PDZD9: variants seen among roughly 807,000 people sequenced by gnomAD.
The protein encoded by PDZD9 is PDZ domain-containing protein 9.
A neutral mutation model predicts 16.3 loss-of-function variants in PDZD9; 13 were observed. The ratio of observed to expected loss-of-function variants is 0.80; its 90% CI spans 0.52 to 1.27. PDZD9 has a LOEUF of 1.27. PDZD9 is among the 50% of genes most tolerant of loss of function. The pLI, the probability that PDZD9 is intolerant of heterozygous loss-of-function variation, is 0.00. For synonymous variants in PDZD9, 120 were observed against 111.0 expected (o/e 1.08, Z -0.51); for missense variants, 288 against 310.9 (o/e 0.93, Z 0.55).
the PDZD9 span, among the ~76,000 whole-genome samples, chr16:21,960,471 CTG>C: frequency 1.3e-5 from 2 of 152,154 alleles, no homozygotes; most frequent in African/African-American, 2.4e-5. Flanking sequence ...CAGTAAAACT[CTG>C]TATTATCAGC....
the PDZD9 span, among the ~76,000 whole-genome samples, chr16:21,965,095 G>A: frequency 2.0e-5 from 3 of 152,246 alleles, no homozygotes; most frequent in Admixed American, 2.0e-4. Context: ...ATAACTAGAT[G>A]GGGACTTCCC....
chr16:21,986,848 A>G (rs975079482), intron 3 of PDZD9, among the ~76,000 whole-genome samples: 5 of 152,182 alleles, frequency 3.3e-5, no homozygotes, highest in Non-Finnish European at 5.9e-5. Flanking sequence ...GGAGCCTTCA[A>G]GGGTGACTAC....
chr16:21,995,042 G>A (rs550668368), intron 2 of PDZD9, among the ~76,000 whole-genome samples: 1 of 152,088 alleles, frequency 6.6e-6, no homozygotes, highest in East Asian at 1.9e-4. Flanking sequence ...TTGTGTCCCC[G>A]CCCACATCTC....
rs118167877 is a variant in PDZD9, at chr16:21,995,457, T to C, written c.211+865A>G. The stretch of plus-strand genomic sequence containing the variant: ...TTGAATTCCTGGCATCAACGGATCC[T>C]CCCACCTTGGCTTCCCAAAGTGCTG... On this transcript the variant is annotated intron_variant, in intron 2 of 3. Transcript: ENST00000424898. 1.3e-3 allele frequency: 421 copies of C among 317,612 alleles called. 10 individuals carry two copies. In the East Asian group the frequency reaches 0.036, roughly 27 times the overall value. The allele number at this position is 317,612 out of a possible 1,614,324, so 19.7% of individuals were successfully genotyped here.
chr16:21,980,650 T>C (rs1164035037), downstream of PDZD9: 11 of 1,614,176 alleles, frequency 6.8e-6, no homozygotes, highest in Non-Finnish European at 9.3e-6. Flanking sequence ...CATGCCACCA[T>C]CCACAGTCCT....
chr16:21,984,715 G>T, intron 3 of PDZD9, 55 bp from the exon 4 acceptor site: 1 of 1,379,794 alleles, frequency 7.2e-7, no homozygotes, highest in South Asian at 1.9e-5. Context: ...AACATTTATG[G>T]TCCCCTAACA....
At chr16:21,958,245 A>T in the PDZD9 span, among the ~76,000 whole-genome samples, 1 of 152,186 alleles carries the variant, frequency 6.6e-6, no homozygotes. Context: ...AGTGCCGCAA[A>T]TTGAAAGAAA....
At chr16:21,983,441 A>G, downstream of PDZD9, 1 of 439,792 alleles carries the variant, frequency 2.3e-6, no homozygotes, top group East Asian at 3.4e-5. Context: ...AGACAGGAAT[A>G]TAATTATTGA....
chr16:21,998,028 C>T lies in PDZD9; in HGVS notation c.32-1527G>A, dbSNP rs1051484216. ...ATCTCCAACCTCACCTTCCCCCAAA[C>T]CACAGATGCTCTCTGTTTGGGAAAA... On this transcript the variant is annotated intron_variant, in intron 1 of 3. Transcript: ENST00000424898. Among the ~76,000 whole-genome samples the T allele has an allele frequency of 2.0e-5, 3 of 152,196 alleles. No homozygotes were observed. The South Asian group carries it at 6.2e-4, about 31-fold the overall frequency.
At chr16:21,962,784 T>C in the PDZD9 span, 1 of 1,614,130 alleles carries the variant, frequency 6.2e-7, no homozygotes, top group Non-Finnish European at 8.5e-7. Context: ...GAGTTCCTGC[T>C]CAATGTCACC....
At chr16:21,987,884 T>G (rs1898917509) in intron 3 of PDZD9, among the ~76,000 whole-genome samples, 1 of 150,652 alleles carries the variant, frequency 6.6e-6, no homozygotes, top group Admixed American at 6.6e-5. Context: ...GAGAGGAGAG[T>G]GGACTGAAGA....
downstream of PDZD9, among the ~76,000 whole-genome samples, chr16:21,981,814 ACTTCGCCCCAATCGTCATTTCATACT>A (rs1346750284): frequency 6.0e-5 from 9 of 151,256 alleles, no homozygotes; most frequent in East Asian, 1.8e-3. Flanking sequence ...ACTTGATTTC[ACTTCGCCCCAATCGTCATTTCATACT>A]CTTCTTTTTT....
At chr16:21,974,373 C>T in the PDZD9 span, among the ~76,000 whole-genome samples, 1 of 152,066 alleles carries the variant, frequency 6.6e-6, no homozygotes, top group African/African-American at 2.4e-5. Flanking sequence ...TTCTGGGAAA[C>T]AACACCATTT....
chr16:21,986,834 C>T (rs1898887713), intron 3 of PDZD9, among the ~76,000 whole-genome samples: 1 of 152,158 alleles, frequency 6.6e-6, no homozygotes, highest in Non-Finnish European at 1.5e-5. Context: ...GGAGAAGTTA[C>T]ACTGGAGCCT....
the PDZD9 span, among the ~76,000 whole-genome samples, chr16:21,977,355 T>TA: frequency 3.4e-4 from 49 of 145,686 alleles, no homozygotes; most frequent in Admixed American, 7.5e-4. Flanking sequence ...CCCTGTCTCT[T>TA]AAAAAAAAAA....
intron 3 of PDZD9, among the ~76,000 whole-genome samples, chr16:21,985,692 C>T (rs1898860957): frequency 6.6e-6 from 1 of 152,194 alleles, no homozygotes; most frequent in Non-Finnish European, 1.5e-5. Context: ...TTCTGCCCTG[C>T]TAAAAGGAAA....
the PDZD9 span, among the ~76,000 whole-genome samples, chr16:21,960,606 T>G: frequency 6.6e-6 from 1 of 152,232 alleles, no homozygotes; most frequent in Non-Finnish European, 1.5e-5. Context: ...TTAACATGCC[T>G]TCCTGACTTC....
At chr16:21,963,122 G>A in the PDZD9 span, 1 of 324,402 alleles carries the variant, frequency 3.1e-6, no homozygotes, top group Non-Finnish European at 5.7e-6. Flanking sequence ...CTGAGCAGCT[G>A]GAATTATAGG....
At chr16:21,989,761 G>A (rs748796432) in intron 2 of PDZD9, among the ~76,000 whole-genome samples, 1 of 152,148 alleles carries the variant, frequency 6.6e-6, no homozygotes, top group Non-Finnish European at 1.5e-5. Context: ...GAAACAAGAT[G>A]GGCAACCATG....
Sources: gnomAD v4.1 joint callset for allele counts (sites outside exome capture counted in the v4.1 genomes callset) on GRCh38, gnomAD v4.1.1 for gene constraint, MANE v1.5 for transcripts, NCBI Gene and HGNC (gene_info 2026-07-23, HGNC 2026-07-21) for gene names.